Variants in RPS6KC1 observed in about 807,000 individuals in gnomAD.
RPS6KC1 encodes the protein inactive ribosomal protein S6 kinase delta-1.
RPS6KC1 carries 54 observed loss-of-function variants against 103.8 expected under a neutral mutation model. The ratio of observed to expected loss-of-function variants is 0.52; its 90% CI spans 0.42 to 0.65. The LOEUF is 0.65. Ranked by LOEUF, RPS6KC1 falls within the 30% of genes least tolerant of loss-of-function variation. The pLI, the probability that RPS6KC1 is intolerant of heterozygous loss-of-function variation, is 0.00. For missense variants in RPS6KC1, 1,151 were observed against 1,253.8 expected (o/e 0.92, Z 1.24); for synonymous variants, 439 against 438.7 (o/e 1.00, Z -0.01).
Position 213,070,999 on chromosome 1 carries a change from G to A in RPS6KC1, c.106-7G>A, listed in dbSNP as rs778631809. 2.0e-6 allele frequency: 3 copies of A among 1,521,522 alleles called. No individual in the cohort carries two copies. The highest frequency in any genetic ancestry group is 1.9e-5 in the Admixed American group (1 of 52,866). 94.3% of individuals were successfully genotyped at this position (1,521,522 alleles called of 1,614,324 possible). On this transcript the variant is annotated splice_polypyrimidine_tract_variant and splice_region_variant and intron_variant, in intron 1 of 14. Transcript: ENST00000366960. Reference sequence around the variant, plus strand: ...GATTAGAGATTTCTATGTATGTTTTGTTTTAGGTTGTTTCACGAAGAAATC... The same window carrying A: ...GATTAGAGATTTCTATGTATGTTTTATTTTAGGTTGTTTCACGAAGAAATC...
At chr1:213,502,282 C>A in the RPS6KC1 span, among the ~76,000 whole-genome samples, 1 of 151,988 alleles carries the variant, frequency 6.6e-6, no homozygotes, top group South Asian at 2.1e-4. Flanking sequence ...TTTTGATGTC[C>A]AATCCACAAT....
At chr1:213,230,452 T>A (rs2094066664) in intron 8 of RPS6KC1, 45 bp from the exon 9 acceptor site, 1 of 1,408,416 alleles carries the variant, frequency 7.1e-7, no homozygotes, top group African/African-American at 1.4e-5. Context: ...AGAGTTAATG[T>A]TTCATTGTAT....
At chr1:213,563,310 C>G in the RPS6KC1 span, among the ~76,000 whole-genome samples, 2 of 151,834 alleles carry the variant, frequency 1.3e-5, no homozygotes, top group Non-Finnish European at 2.9e-5. Context: ...TTTTATATAT[C>G]TTTTTTTCCA....
chr1:213,275,266 A>G (rs1019672227), downstream of RPS6KC1, among the ~76,000 whole-genome samples: 2 of 152,210 alleles, frequency 1.3e-5, no homozygotes, highest in Non-Finnish European at 2.9e-5. Flanking sequence ...CATTATGAAT[A>G]TTGATGTACA....
At chr1:213,479,803 A>G in the RPS6KC1 span, among the ~76,000 whole-genome samples, 2 of 149,446 alleles carry the variant, frequency 1.3e-5, no homozygotes, top group Non-Finnish European at 3.0e-5. Flanking sequence ...AGAATTTTTT[A>G]CATATAATGG....
the RPS6KC1 span, among the ~76,000 whole-genome samples, chr1:213,484,016 G>C: frequency 6.6e-6 from 1 of 152,140 alleles, no homozygotes; most frequent in Non-Finnish European, 1.5e-5. Context: ...TTAAAATGCT[G>C]TCTTCCTAGA....
chr1:213,464,683 A>G, the RPS6KC1 span, among the ~76,000 whole-genome samples: 1 of 152,056 alleles, frequency 6.6e-6, no homozygotes, highest in Non-Finnish European at 1.5e-5. Context: ...AGTTAAGGCC[A>G]TAAATGTTCT....
chr1:213,559,111 A>G, the RPS6KC1 span, among the ~76,000 whole-genome samples: 7 of 152,332 alleles, frequency 4.6e-5, no homozygotes, highest in African/African-American at 1.7e-4. Flanking sequence ...AAACCATCAA[A>G]TTGAAATCTT....
chr1:213,223,660 G>C (rs556646337), intron 8 of RPS6KC1, among the ~76,000 whole-genome samples: 40 of 152,288 alleles, frequency 2.6e-4, no homozygotes, highest in African/African-American at 9.4e-4. Flanking sequence ...TAATCGTGCT[G>C]CTATAAACAT....
At chr1:213,651,986 T>C in the RPS6KC1 span, among the ~76,000 whole-genome samples, 1 of 152,226 alleles carries the variant, frequency 6.6e-6, no homozygotes. Flanking sequence ...GTACTATTTG[T>C]TCTTATTGCT....
At chr1:213,301,378 A>G in the RPS6KC1 span, among the ~76,000 whole-genome samples, 4 of 152,220 alleles carry the variant, frequency 2.6e-5, no homozygotes, top group Non-Finnish European at 4.4e-5. Context: ...TGTAAATTAC[A>G]CATTACTCAT....
chr1:213,656,126 TC>T, the RPS6KC1 span, among the ~76,000 whole-genome samples: 2 of 152,202 alleles, frequency 1.3e-5, no homozygotes, highest in Non-Finnish European at 2.9e-5. Context: ...ACCAATGTTG[TC>T]CCCATTTGCA....
chr1:213,153,058 C>G (rs1350132397), intron 6 of RPS6KC1, among the ~76,000 whole-genome samples: 1 of 152,236 alleles, frequency 6.6e-6, no homozygotes, highest in Non-Finnish European at 1.5e-5. Context: ...GCCAACACAG[C>G]GAAACCCCGT....
At chr1:213,817,720 TA>T in the RPS6KC1 span, 2 of 152,204 alleles carry the variant, frequency 1.3e-5, no homozygotes, top group South Asian at 4.1e-4. Flanking sequence ...TCCTCTTCTA[TA>T]AAATGGGAAT....
chr1:213,140,793 A>G (rs866871229), intron 6 of RPS6KC1, among the ~76,000 whole-genome samples: 1 of 149,618 alleles, frequency 6.7e-6, no homozygotes, highest in South Asian at 2.1e-4. Flanking sequence ...GTGGTTTGAA[A>G]TGTTTTGGTA....
At chr1:213,652,540 G>A in the RPS6KC1 span, among the ~76,000 whole-genome samples, 1 of 152,176 alleles carries the variant, frequency 6.6e-6, no homozygotes, top group Non-Finnish European at 1.5e-5. Context: ...TTGAATCTGG[G>A]ATGCTCATGG....
chr1:213,441,287 T>C, the RPS6KC1 span, among the ~76,000 whole-genome samples: 5 of 152,192 alleles, frequency 3.3e-5, no homozygotes, highest in African/African-American at 1.2e-4. Flanking sequence ...CTTTCTTTCT[T>C]CCTTCACCAG....
the RPS6KC1 span, among the ~76,000 whole-genome samples, chr1:213,554,738 CA>C: frequency 1.3e-5 from 2 of 152,102 alleles, no homozygotes; most frequent in Non-Finnish European, 2.9e-5. Flanking sequence ...ATTATAAGTA[CA>C]GAAAAAATTT....
At position 213,096,212 on chromosome 1, in the gene RPS6KC1, A is replaced by G. The variant is rs186369819; in HGVS notation, c.263-8242A>G. 3.0e-3 allele frequency among the ~76,000 whole-genome samples: 462 copies of G among 152,374 alleles called. 4 individuals carry two copies. The highest frequency in any genetic ancestry group is 6.8e-3 in the Middle Eastern group (2 of 294). ...AAGAAACGACTTTCTCTGCTCGTCC[A>G]TAAGAAGCAACTCTTTGTTCATTTA... On this transcript the variant is annotated intron_variant, in intron 3 of 14. Transcript: ENST00000366960.
Sources: gnomAD v4.1 joint callset for allele counts (sites outside exome capture counted in the v4.1 genomes callset) on GRCh38, gnomAD v4.1.1 for gene constraint, MANE v1.5 for transcripts, NCBI Gene and HGNC (gene_info 2026-07-23, HGNC 2026-07-21) for gene names.